Variants in SLC9A3 observed in about 807,000 individuals in gnomAD.
SLC9A3 encodes the protein solute carrier family 9 member A3, also known as sodium/hydrogen exchanger 3.
In SLC9A3, 37 loss-of-function variants were observed where a neutral mutation model predicts 86.8. The observed-to-expected ratio is 0.43, with a 90% CI of 0.33 to 0.56. SLC9A3 has a LOEUF of 0.56. Ranked by LOEUF, SLC9A3 falls within the 20% of genes least tolerant of loss-of-function variation. The pLI is 0.06. For missense variants in SLC9A3, 1,011 were observed against 1,171.9 expected (o/e 0.86, Z 2.00); for synonymous variants, 581 against 528.3 (o/e 1.10, Z -1.37).
In SLC9A3 at chr5:471,955, C is replaced by A. The variant is rs1738380878; in HGVS notation, c.*1424G>T. On this transcript the variant is annotated 3_prime_UTR_variant, in exon 17 of 17. Coordinates refer to ENST00000264938, the MANE Select transcript of SLC9A3 (RefSeq NM_004174.4). ...AGAACTCCTCCTGACTGGTGACTGT[C>A]AACACTTGATCTGAAACGTGAATAG... The A allele has an allele frequency of 2.2e-6, 1 of 456,560 alleles. No homozygotes were observed. The highest frequency in any genetic ancestry group is 4.4e-6 in the Non-Finnish European group (1 of 226,990). The allele number at this position is 456,560 out of a possible 1,614,324, so 28.3% of individuals were successfully genotyped here.
chr5:486,232 T>TGGGCAG (rs1353083222), intron 3 of SLC9A3, among the ~76,000 whole-genome samples: 3 of 130,064 alleles, frequency 2.3e-5, no homozygotes, highest in Non-Finnish European at 5.2e-5. Context: ...TGGGGGAGGA[T>TGGGCAG]GGGCAGGGGC....
At chr5:490,553 AG>A (rs1739685810) in intron 2 of SLC9A3, among the ~76,000 whole-genome samples, 2 of 152,154 alleles carry the variant, frequency 1.3e-5, no homozygotes, top group Non-Finnish European at 1.5e-5. Flanking sequence ...CGGCTCTCAA[AG>A]GAGCGGCCCT....
At chr5:511,013 G>A (rs997302845) in intron 1 of SLC9A3, among the ~76,000 whole-genome samples, 6 of 152,022 alleles carry the variant, frequency 3.9e-5, no homozygotes, top group African/African-American at 1.5e-4. Context: ...CTCCCATCAC[G>A]ACTCCCTCCA....
chr5:475,280 TC>T, intron 15 of SLC9A3, 148 bp from the exon 16 acceptor site: 1 of 775,510 alleles, frequency 1.3e-6, no homozygotes, highest in Non-Finnish European at 2.0e-6. Flanking sequence ...TGCGGGCCCT[TC>T]CCCCACATCC....
At chr5:514,079 C>T (rs1052498248) in intron 1 of SLC9A3, among the ~76,000 whole-genome samples, 22 of 152,396 alleles carry the variant, frequency 1.4e-4, no homozygotes, top group African/African-American at 2.4e-4. Context: ...GCCCCAGCCC[C>T]GGCTCGGGAG....
chr5:473,142 TCC>T lies in SLC9A3; in HGVS notation c.*235_*236del, dbSNP rs1472198552. On this transcript the variant is annotated 3_prime_UTR_variant, in exon 17 of 17. Coordinates refer to ENST00000264938, the MANE Select transcript of SLC9A3 (RefSeq NM_004174.4). Reference sequence around the variant, plus strand: ...GTGCGCACTCGGCAGCCCTCGGCGCTCCGGCCCCGCCCCCGGCGCAGGCCCCG... The same window carrying T: ...GTGCGCACTCGGCAGCCCTCGGCGCTGGCCCCGCCCCCGGCGCAGGCCCCG... 18 of 161,774 alleles carry T rather than the reference TCC, an allele frequency of 1.1e-4. 1 individual carries two copies. The highest frequency in any genetic ancestry group is 7.7e-5 in the Non-Finnish European group (8 of 104,156). The allele number at this position is 161,774 out of a possible 1,614,324, so 10.0% of individuals were successfully genotyped here. A position where few individuals can be genotyped will look rare whatever the true frequency, so the allele number is the denominator to read the frequency against.
chr5:511,107 G>A (rs745496971), intron 1 of SLC9A3, among the ~76,000 whole-genome samples: 26 of 152,266 alleles, frequency 1.7e-4, no homozygotes, highest in Middle Eastern at 3.4e-3. Flanking sequence ...ACTGTGAGCC[G>A]CAAGGAGAGC....
intron 1 of SLC9A3, among the ~76,000 whole-genome samples, 154 bp downstream of exon 1, chr5:523,958 C>T (rs1485415910): frequency 6.6e-5 from 10 of 152,098 alleles, no homozygotes. Flanking sequence ...AGAGTCGCTC[C>T]CGAGTCTCGC....
intron 2 of SLC9A3, among the ~76,000 whole-genome samples, chr5:488,975 C>T (rs936910282): frequency 6.6e-6 from 1 of 152,020 alleles, no homozygotes; most frequent in Admixed American, 6.5e-5. Flanking sequence ...CAAGGGGGCC[C>T]GGAAGACGTG....
At chr5:522,738 T>C (rs1579835447) in intron 1 of SLC9A3, among the ~76,000 whole-genome samples, 2 of 103,724 alleles carry the variant, frequency 1.9e-5, no homozygotes, top group Non-Finnish European at 1.9e-5. Flanking sequence ...AAATTCTATC[T>C]CAAAAAAAAA....
intron 3 of SLC9A3, among the ~76,000 whole-genome samples, chr5:485,814 T>C (rs3756711): frequency 0.11 from 17,185 of 152,140 alleles, 1,076 homozygotes; most frequent in Admixed American, 0.18. Flanking sequence ...GAGAGGACCC[T>C]GGGGCAGGCG....
rs1158493643 is a variant in SLC9A3, at chr5:483,383, G to A, written c.1032C>T (p.Ser344=). 5 of 1,573,416 alleles carry A rather than the reference G, an allele frequency of 3.2e-6. No homozygotes were observed. Among genetic ancestry groups the A allele is most frequent in the South Asian group, 1.2e-5 (1 of 85,846 alleles). ...TVRYTMKMLA[S]SAETIIFMFL... Reference sequence around the variant, plus strand: ...ACATGAAGATGATGGTCTCGGCGCTGCTGGCCAGCATCTTCATGGTGTAGC... The same window carrying A: ...ACATGAAGATGATGGTCTCGGCGCTACTGGCCAGCATCTTCATGGTGTAGC... Residue 344 remains serine (S), a synonymous_variant, in exon 6 of 17, where the codon AGC becomes AGT. Transcript: ENST00000264938.
At chr5:520,947 T>G (rs1175394721) in intron 1 of SLC9A3, among the ~76,000 whole-genome samples, 1 of 152,120 alleles carries the variant, frequency 6.6e-6, no homozygotes, top group East Asian at 1.9e-4. Flanking sequence ...GCGGGGATTC[T>G]GGTGGGCACC....
chr5:482,541 G>A lies in SLC9A3; in HGVS notation c.1356+7C>T, dbSNP rs752170248. 2 of 1,605,742 alleles carry A rather than the reference G, an allele frequency of 1.2e-6. No homozygotes were observed. Among genetic ancestry groups the A allele is most frequent in the Non-Finnish European group, 1.7e-6 (2 of 1,174,104 alleles). ...GAGACCCCAGGGCTGGCTGGGCTGG[G>A]CCTCACCTGGAAGATGACGGTGAAG... On this transcript the variant is annotated splice_region_variant and intron_variant, in intron 7 of 16. Coordinates refer to ENST00000264938, the MANE Select transcript of SLC9A3 (RefSeq NM_004174.4).
chr5:488,347 C>T lies in SLC9A3; in HGVS notation c.644G>A (p.Gly215Glu). ...GACTGCGTCGTTCAGCAGCGACTCCCCGAAGACGATGATGAACAGGACCTC... is the reference window on the plus strand; with the variant it reads ...GACTGCGTCGTTCAGCAGCGACTCCTCGAAGACGATGATGAACAGGACCTC... ...VNEVLFIIVFGESLLNDAVTV... is the reference protein window; with the variant it reads ...VNEVLFIIVFEESLLNDAVTV... The change falls in exon 3 of 17, where the codon GGG (glycine) becomes GAG (glutamate). Residue 215 changes from glycine to glutamate, a missense_variant. Physicochemically the swap from Gly to Glu is moderately conservative, Grantham distance 98 (BLOSUM62 -2). Around this residue, in one of 3 missense-constraint regions of SLC9A3, gnomAD observed 565 missense variants for 790.0 expected, o/e 0.72. Transcript: ENST00000264938. 1 of 1,612,728 alleles carries T rather than the reference C, an allele frequency of 6.2e-7. No individual in the cohort carries two copies. The highest frequency in any genetic ancestry group is 8.5e-7 in the Non-Finnish European group (1 of 1,179,876).
intron 1 of SLC9A3, among the ~76,000 whole-genome samples, chr5:519,835 G>T (rs891616117): frequency 6.6e-6 from 1 of 151,930 alleles, no homozygotes; most frequent in African/African-American, 2.4e-5. Flanking sequence ...AGAGGGGGGT[G>T]GGGGGGCTGC....
chr5:485,817 G>C (rs1398348023), intron 3 of SLC9A3, among the ~76,000 whole-genome samples: 1 of 152,234 alleles, frequency 6.6e-6, no homozygotes, highest in East Asian at 1.9e-4. Flanking sequence ...AGGACCCTGG[G>C]GCAGGCGTGT....
At chr5:506,694 C>T (rs938060770) in intron 1 of SLC9A3, among the ~76,000 whole-genome samples, 1 of 152,204 alleles carries the variant, frequency 6.6e-6, no homozygotes, top group Non-Finnish European at 1.5e-5. Context: ...AATCAGACTC[C>T]TTCAGAGAGA....
intron 15 of SLC9A3, 175 bp downstream of exon 15, chr5:475,386 G>A: frequency 1.6e-6 from 1 of 620,006 alleles, no homozygotes; most frequent in Non-Finnish European, 2.8e-6. Context: ...TCCCCGGACA[G>A]CAGCCTCCGA....
Sources: gnomAD v4.1 joint callset for allele counts (sites outside exome capture counted in the v4.1 genomes callset) on GRCh38, gnomAD v4.1.1 for gene constraint, gnomAD v4.1.1 regional missense constraint, MANE v1.5 for transcripts, NCBI Gene and HGNC (gene_info 2026-07-23, HGNC 2026-07-21) for gene names.